Variants in SPAG1 observed in about 807,000 individuals in gnomAD.
The protein encoded by SPAG1 is sperm associated antigen 1.
In SPAG1, 69 loss-of-function variants were observed where a neutral mutation model predicts 100.5. The ratio of observed to expected loss-of-function variants is 0.69; its 90% CI spans 0.57 to 0.84. The LOEUF (loss-of-function observed/expected upper bound fraction) is 0.84, where lower values mean the gene tolerates loss of function less well. SPAG1 is among the 40% of genes least tolerant of loss of function. The pLI is 0.00. For synonymous variants in SPAG1, 336 were observed against 411.6 expected (o/e 0.82, Z 2.22); for missense variants, 955 against 1,133.1 (o/e 0.84, Z 2.26).
chr8:100,222,414 T>C (rs1203664666), intron 13 of SPAG1, among the ~76,000 whole-genome samples: 3 of 152,248 alleles, frequency 2.0e-5, no homozygotes, highest in Non-Finnish European at 2.9e-5. Flanking sequence ...CACTGCCTCC[T>C]GTGTCTGCCT....
At chr8:100,163,111 G>C (rs1815390967) in intron 2 of SPAG1, among the ~76,000 whole-genome samples, 2 of 152,176 alleles carry the variant, frequency 1.3e-5, no homozygotes, top group Admixed American at 1.3e-4. Flanking sequence ...GTGGTGGGGA[G>C]GCCTGACGGT....
chr8:100,183,316 G>A, intron 4 of SPAG1, 59 bp from the exon 5 acceptor site: 1 of 816,432 alleles, frequency 1.2e-6, no homozygotes, highest in Non-Finnish European at 2.0e-6. Context: ...TGCATTTACA[G>A]TAAAACCTGA....
intron 9 of SPAG1, among the ~76,000 whole-genome samples, chr8:100,191,723 T>G (rs1005353539): frequency 6.6e-6 from 1 of 152,102 alleles, no homozygotes; most frequent in Non-Finnish European, 1.5e-5. Flanking sequence ...GAAAGACAAA[T>G]ATCAATTTTT....
At chr8:100,175,323 C>T (rs1474914888) in intron 3 of SPAG1, among the ~76,000 whole-genome samples, 3 of 141,436 alleles carry the variant, frequency 2.1e-5, no homozygotes, top group East Asian at 2.1e-4. Flanking sequence ...CTTGGTCTGT[C>T]GCCCAGCCTG....
chr8:100,213,481 C>G, intron 11 of SPAG1, 53 bp downstream of exon 11: 1 of 1,314,104 alleles, frequency 7.6e-7, no homozygotes, highest in Non-Finnish European at 9.8e-7. Context: ...GCGGTTCACC[C>G]GACCTCCGGG....
intron 10 of SPAG1, among the ~76,000 whole-genome samples, chr8:100,201,605 G>A (rs2453666): frequency 0.74 from 112,666 of 152,080 alleles, 42,374 homozygotes; most frequent in African/African-American, 0.88. Flanking sequence ...TACAACTCCC[G>A]TAGCCCTTGT....
intron 15 of SPAG1, among the ~76,000 whole-genome samples, chr8:100,231,688 G>A (rs1365866693): frequency 6.6e-6 from 1 of 152,212 alleles, no homozygotes. Flanking sequence ...GGCTGGGCAC[G>A]GTGGCTCACG....
chr8:100,179,826 A>G (rs368903560), intron 4 of SPAG1, among the ~76,000 whole-genome samples: 6 of 152,340 alleles, frequency 3.9e-5, no homozygotes, highest in African/African-American at 1.4e-4. Flanking sequence ...ACTTCCCTGC[A>G]TAGTCAAATA....
At chr8:100,237,943 T>G (rs1819079427) in intron 16 of SPAG1, among the ~76,000 whole-genome samples, 1 of 152,172 alleles carries the variant, frequency 6.6e-6, no homozygotes, top group South Asian at 2.1e-4. Flanking sequence ...CTCCATGCCA[T>G]GTAATCATCC....
At chr8:100,220,233 A>G (rs1456039002) in intron 12 of SPAG1, 46 bp from the exon 13 acceptor site, 1 of 1,533,118 alleles carries the variant, frequency 6.5e-7, no homozygotes, top group South Asian at 1.2e-5. Context: ...TAAACGAAAG[A>G]GCATTTTTCA....
intron 10 of SPAG1, among the ~76,000 whole-genome samples, chr8:100,200,960 G>A (rs1243296022): frequency 6.6e-6 from 1 of 151,406 alleles, no homozygotes; most frequent in African/African-American, 2.4e-5. Flanking sequence ...TTTATATGAA[G>A]TCCAATTTTT....
At chr8:100,220,200 T>C (rs1818197285) in intron 12 of SPAG1, 79 bp from the exon 13 acceptor site, 2 of 810,904 alleles carry the variant, frequency 2.5e-6, no homozygotes, top group East Asian at 4.8e-5. Flanking sequence ...AGTTCAGTAC[T>C]GCAGTATCTA....
intron 4 of SPAG1, among the ~76,000 whole-genome samples, chr8:100,179,865 G>A (rs923037256): frequency 3.3e-5 from 5 of 152,166 alleles, no homozygotes; most frequent in African/African-American, 4.8e-5. Flanking sequence ...GCATAGCCAC[G>A]TCTTCCTGGA....
chr8:100,193,993 A>AC, intron 9 of SPAG1, 119 bp from the exon 10 acceptor site: 1 of 909,062 alleles, frequency 1.1e-6, no homozygotes. Flanking sequence ...AGGCCACCAA[A>AC]AAAAAGCCTT....
intron 14 of SPAG1, among the ~76,000 whole-genome samples, chr8:100,227,841 A>ATTTTTTTTTTTTTTTTTTTTTTTTTTTT (rs34049816): frequency 1.9e-5 from 2 of 103,796 alleles, no homozygotes; most frequent in African/African-American, 7.9e-5. Flanking sequence ...ATTGTGTCAG[A>ATTTTTTTTTTTTTTTTTTTTTTTTTTTT]TTTTTTTTTT....
intron 13 of SPAG1, among the ~76,000 whole-genome samples, chr8:100,224,031 C>T (rs939572826): frequency 1.3e-5 from 2 of 152,156 alleles, no homozygotes; most frequent in African/African-American, 4.8e-5. Context: ...TAAACCAATT[C>T]AGTCTTAGGA....
chr8:100,197,088 A>C (rs1817064086), intron 10 of SPAG1, among the ~76,000 whole-genome samples: 1 of 152,016 alleles, frequency 6.6e-6, no homozygotes, highest in Non-Finnish European at 1.5e-5. Context: ...TCAAGACAGA[A>C]GCTTGGAATA....
At chr8:100,166,773 G>A (rs1052604231) in intron 3 of SPAG1, among the ~76,000 whole-genome samples, 1 of 152,050 alleles carries the variant, frequency 6.6e-6, no homozygotes. Context: ...TGGACGTGGT[G>A]GCATGTGTCT....
chr8:100,182,930 T>C (rs1816425852), intron 4 of SPAG1, among the ~76,000 whole-genome samples: 1 of 152,138 alleles, frequency 6.6e-6, no homozygotes, highest in Non-Finnish European at 1.5e-5. Context: ...TTATTATAAC[T>C]TCCAGGGTAC....
Sources: allele counts gnomAD v4.1 joint callset (sites outside exome capture counted in the v4.1 genomes callset), GRCh38; gene constraint gnomAD v4.1.1; transcripts MANE v1.5; gene names NCBI Gene and HGNC (gene_info 2026-07-23, HGNC 2026-07-21).